SDF4: variants seen among roughly 807,000 people sequenced by gnomAD.
The protein encoded by SDF4 is 45 kDa calcium-binding protein.
Under a neutral mutation model 34.2 loss-of-function variants are expected in SDF4, and 22 were observed. The observed-to-expected ratio is 0.64, with a 90% confidence interval of 0.46 to 0.92. The LOEUF is 0.92. Among genes scored for constraint, SDF4 ranks in the 40% least tolerant of loss-of-function variants. The probability of loss-of-function intolerance (pLI) is 0.00; values close to 1 mark genes in which losing one functional copy is unlikely to be tolerated. For synonymous variants in SDF4, 236 were observed against 203.1 expected (o/e 1.16, Z -1.38); for missense variants, 447 against 499.9 (o/e 0.89, Z 1.01).
intron 2 of SDF4, among the ~76,000 whole-genome samples, chr1:1,227,588 C>G (rs1476659739): frequency 6.6e-6 from 1 of 152,218 alleles, no homozygotes; most frequent in Non-Finnish European, 1.5e-5. Context: ...TGCCCGGCAC[C>G]CTGGCTGGCC....
In SDF4 at chr1:1,224,372, C is replaced by G. The variant is rs567231956; in HGVS notation, c.306-404G>C. Reference sequence around the variant, plus strand: ...TTTGCTCACTGCAACCTCCGCCTCCCGGGTTCAAGCGATTCTACTGCCTCA... The same window carrying G: ...TTTGCTCACTGCAACCTCCGCCTCCGGGGTTCAAGCGATTCTACTGCCTCA... On this transcript the variant is annotated intron_variant, in intron 2 of 6. Coordinates refer to ENST00000360001, the MANE Select transcript of SDF4 (RefSeq NM_016176.6). Among the ~76,000 whole-genome samples, 354 of 152,294 alleles carry G rather than the reference C, an allele frequency of 2.3e-3. 2 individuals carry two copies. The highest frequency in any genetic ancestry group is 2.0e-3 in the Non-Finnish European group (135 of 68,026).
chr1:1,228,782 G>A lies in SDF4; in HGVS notation c.-10C>T. ...CCCACCTGGACGCCATCGCCACCCA[G>A]GGCCAGACCATGGGGCGGGCTGCAG... On this transcript the variant is annotated 5_prime_UTR_variant, in exon 2 of 7. Coordinates refer to ENST00000360001, the MANE Select transcript of SDF4 (RefSeq NM_016176.6). The A allele has an allele frequency of 1.3e-6, 2 of 1,599,120 alleles. No individual in the cohort carries two copies. The highest frequency in any genetic ancestry group is 1.7e-6 in the Non-Finnish European group (2 of 1,175,336).
chr1:1,228,545 T>C lies in SDF4; in HGVS notation c.228A>G (p.Leu76=). 6.2e-7 allele frequency: 1 copy of C among 1,612,876 alleles called. No individual in the cohort carries two copies. The highest frequency in any genetic ancestry group is 8.5e-7 in the Non-Finnish European group (1 of 1,179,934). The change falls in exon 2 of 7, where the codon CTA becomes CTG. Residue 76 remains leucine (L), a synonymous_variant. Coordinates refer to ENST00000360001, the MANE Select transcript of SDF4 (RefSeq NM_016176.6). Reference sequence around the variant, plus strand: ...CATCAAAGCCACCCAGGTCCTTGCCTAGGAAGACCTCCTGGTGGAAGCCGC... The same window carrying C: ...CATCAAAGCCACCCAGGTCCTTGCCCAGGAAGACCTCCTGGTGGAAGCCGC... ...LNRGFHQEVF[L]GKDLGGFDED...
Position 1,218,971 on chromosome 1 carries a change from A to C in SDF4, c.557-44T>G, listed in dbSNP as rs747934607. On this transcript the variant is annotated intron_variant, in intron 4 of 6. Transcript: ENST00000360001. This position sits in a 1 kb window ranked among gnomAD's most constrained non-coding sequence, Gnocchi z 7.9. ...GTGGGTATCGAGGCCGACAGACGCCAGCACGCAAATCCAGAAAGTTCCGAG... is the reference window on the plus strand; with the variant it reads ...GTGGGTATCGAGGCCGACAGACGCCCGCACGCAAATCCAGAAAGTTCCGAG... 1 of 1,612,604 alleles carries C rather than the reference A, an allele frequency of 6.2e-7. No homozygotes were observed.
intron 4 of SDF4, chr1:1,221,193 CA>C (rs1328533959): frequency 5.3e-6 from 1 of 190,088 alleles, no homozygotes; most frequent in East Asian, 1.5e-4. Context: ...CCAACAGGCT[CA>C]AAAGTCTCCG....
intron 4 of SDF4, chr1:1,220,167 A>G: frequency 1.0e-6 from 1 of 988,686 alleles, no homozygotes; most frequent in Non-Finnish European, 1.2e-6. Flanking sequence ...CTGGTGAAGA[A>G]GCCTTGAGTC....
At chr1:1,225,998 C>T (rs1310425577) in intron 2 of SDF4, among the ~76,000 whole-genome samples, 2 of 152,252 alleles carry the variant, frequency 1.3e-5, no homozygotes, top group Non-Finnish European at 2.9e-5. Context: ...ACACAGCACA[C>T]ACACGTGAAC....
chr1:1,228,623 C>T lies in SDF4; in HGVS notation c.150G>A (p.Leu50=). Residue 50 remains leucine (L), a synonymous_variant, in exon 2 of 7, where the codon CTG becomes CTA. Coordinates refer to ENST00000360001, the MANE Select transcript of SDF4 (RefSeq NM_016176.6). ...TCACCCCGTTCAGGTGGTCTGGGGG[C>T]AGGATCTCATTCTCCTCCCTGTTGG... is the stretch of plus-strand genomic sequence containing the variant. ...RVANREENEI[L]PPDHLNGVKL... 1.2e-6 allele frequency: 2 copies of T among 1,613,268 alleles called. No individual in the cohort carries two copies. Among genetic ancestry groups the T allele is most frequent in the South Asian group, 2.2e-5 (2 of 91,088 alleles).
intron 4 of SDF4, 173 bp from the exon 5 acceptor site, chr1:1,219,100 C>A: frequency 1.1e-5 from 17 of 1,528,842 alleles, no homozygotes; most frequent in Non-Finnish European, 1.5e-5. Context: ...AAGACACAGC[C>A]TGGACCCCCG....
rs1280688903 is a variant in SDF4, at chr1:1,222,938, C to T, written c.556+306G>A. Among the ~76,000 whole-genome samples, 7 of 152,344 alleles carry T rather than the reference C, an allele frequency of 4.6e-5. No homozygotes were observed. The South Asian group carries it at 1.4e-3, about 32-fold the overall frequency. ...CTACCTGGATGTACTCACAAGCACACGCACAGCGCACTCGTACACACGACA... is the reference window on the plus strand; with the variant it reads ...CTACCTGGATGTACTCACAAGCACATGCACAGCGCACTCGTACACACGACA... On this transcript the variant is annotated intron_variant, in intron 4 of 6. Transcript: ENST00000360001.
chr1:1,219,499 CT>C, intron 4 of SDF4: 1 of 995,300 alleles, frequency 1.0e-6, no homozygotes, highest in South Asian at 4.4e-5. Context: ...ACTCACTGCC[CT>C]TTTCCGTTTC....
intron 4 of SDF4, chr1:1,219,721 C>G (rs904209710): frequency 3.0e-6 from 3 of 986,164 alleles, no homozygotes; most frequent in Non-Finnish European, 3.6e-6. Context: ...CCCTGGGTCT[C>G]CAGGACAGAA....
chr1:1,217,865 G>T lies in SDF4; in HGVS notation c.892-177C>A. 2 of 1,471,770 alleles carry T rather than the reference G, an allele frequency of 1.4e-6. No individual in the cohort carries two copies. The highest frequency in any genetic ancestry group is 2.7e-5 in the South Asian group (2 of 72,884). 91.2% of individuals were successfully genotyped at this position (1,471,770 alleles called of 1,614,324 possible). A position where few individuals can be genotyped will look rare whatever the true frequency, so the allele number is the denominator to read the frequency against. Reference sequence around the variant, plus strand: ...AACACAGGGCAGGGAGAAGCCGGGGGCCCCGGAAGGCCTGCCCGGGGCCAG... The same window carrying T: ...AACACAGGGCAGGGAGAAGCCGGGGTCCCCGGAAGGCCTGCCCGGGGCCAG... On this transcript the variant is annotated intron_variant, in intron 6 of 6. Transcript: ENST00000360001. This position sits in a 1 kb window ranked among gnomAD's most constrained non-coding sequence, Gnocchi z 8.5.
intron 4 of SDF4, chr1:1,219,331 C>T: frequency 8.8e-7 from 1 of 1,136,052 alleles, no homozygotes; most frequent in Non-Finnish European, 1.1e-6. Flanking sequence ...CCAGAACCTC[C>T]CCATGGCCCA....
At position 1,217,681 on chromosome 1, in the gene SDF4, A is replaced by G; in HGVS notation, c.899T>C (p.Met300Thr). Residue 300 changes from methionine to threonine, a missense_variant, in exon 7 of 7, where the codon ATG becomes ACG. By Grantham distance (81) the Met-to-Thr change is moderately conservative. Transcript: ENST00000360001. The surrounding 1 kb of genome is among the most constrained non-coding windows in gnomAD (Gnocchi z 8.5). ...CGCGTTGTACTCGTTCATGGGGTCC[A>G]TGTAGCTCTGCGGGCGAGCGGGGCA... ...IVTAEELESY[M>T]DPMNEYNALN... The G allele has an allele frequency of 6.2e-7, 1 of 1,613,800 alleles. No homozygotes were observed. The highest frequency in any genetic ancestry group is 1.3e-5 in the African/African-American group (1 of 75,030).
chr1:1,219,441 C>A, intron 4 of SDF4: 1 of 1,013,550 alleles, frequency 9.9e-7, no homozygotes, highest in Non-Finnish European at 1.2e-6. Context: ...TCTGGAGGAG[C>A]GGAATCACCC....
At chr1:1,220,394 G>A (rs1165101381) in intron 4 of SDF4, 45 of 1,157,016 alleles carry the variant, frequency 3.9e-5, no homozygotes, top group East Asian at 3.8e-4. Context: ...AGCAGCCCCC[G>A]GACTCACGCG....
Position 1,219,472 on chromosome 1 carries a change from G to A in SDF4, c.557-545C>T, listed in dbSNP as rs551929600. 212 of 999,446 alleles carry A rather than the reference G, an allele frequency of 2.1e-4. 1 individual carries two copies. The highest frequency in any genetic ancestry group is 2.4e-4 in the Non-Finnish European group (205 of 837,438). The allele number at this position is 999,446 out of a possible 1,614,324, so 61.9% of individuals were successfully genotyped here. On this transcript the variant is annotated intron_variant, in intron 4 of 6. Transcript: ENST00000360001. ...CACCCTGAAGGCTGACGTGCGCACG[G>A]CGCCGCGGGGCGAAGGACTCACTGC...
At chr1:1,226,156 G>T (rs765579412) in intron 2 of SDF4, among the ~76,000 whole-genome samples, 29 of 152,378 alleles carry the variant, frequency 1.9e-4, no homozygotes, top group Non-Finnish European at 4.0e-4. Flanking sequence ...CTGGAAAGGC[G>T]GCAGCTATTG....
Sources: allele counts gnomAD v4.1 joint callset (sites outside exome capture counted in the v4.1 genomes callset), GRCh38; gene constraint gnomAD v4.1.1; non-coding constraint Gnocchi (gnomAD v3.1); transcripts MANE v1.5; gene names NCBI Gene and HGNC (gene_info 2026-07-23, HGNC 2026-07-21).